Variants in ZC3H12B observed in about 807,000 individuals in gnomAD.
ZC3H12B encodes probable ribonuclease ZC3H12B.
ZC3H12B carries 7 observed loss-of-function variants against 43.9 expected under a neutral mutation model. That is an observed-to-expected ratio of 0.16 (90% CI 0.09 to 0.30). The LOEUF is 0.30. Ranked by LOEUF, ZC3H12B falls within the 10% of genes least tolerant of loss-of-function variation. The pLI is 1.00. For missense variants in ZC3H12B, 475 were observed against 670.2 expected (o/e 0.71, Z 3.22); for synonymous variants, 222 against 241.7 (o/e 0.92, Z 0.76).
chrX:65,345,430 G>A, the ZC3H12B span, among the ~76,000 whole-genome samples: 3 of 111,739 alleles, frequency 2.7e-5, no homozygotes, highest in Non-Finnish European at 5.6e-5. Flanking sequence ...ATTATTTTTA[G>A]CAAACTTACA....
At chrX:65,174,130 G>A in the ZC3H12B span, among the ~76,000 whole-genome samples, 7 of 111,045 alleles carry the variant, frequency 6.3e-5, no homozygotes, top group East Asian at 1.7e-3. Context: ...TCCCAGAGGG[G>A]CACCAGCCTA....
the ZC3H12B span, among the ~76,000 whole-genome samples, chrX:65,336,890 A>G: frequency 1.7e-4 from 19 of 112,445 alleles, no homozygotes; most frequent in Middle Eastern, 9.2e-3. Flanking sequence ...CACAGACATC[A>G]GCAAAGACTG....
chrX:65,374,231 ATAGT>A (rs2066313155), intron 2 of ZC3H12B, among the ~76,000 whole-genome samples: 1 of 83,868 alleles, frequency 1.2e-5, no homozygotes, highest in African/African-American at 5.0e-5. Flanking sequence ...ACTCTATAGT[ATAGT>A]AATATATATT....
the ZC3H12B span, among the ~76,000 whole-genome samples, chrX:65,108,991 T>C: frequency 1.8e-5 from 2 of 111,695 alleles, no homozygotes; most frequent in East Asian, 2.8e-4. Flanking sequence ...ATCTCCAAGG[T>C]TTTCTGGGTT....
At chrX:65,159,410 T>A in the ZC3H12B span, among the ~76,000 whole-genome samples, 1 of 111,916 alleles carries the variant, frequency 8.9e-6, no homozygotes, top group Non-Finnish European at 1.9e-5. Context: ...GCATGGAATG[T>A]TCTTCCATTT....
the ZC3H12B span, among the ~76,000 whole-genome samples, chrX:65,127,869 T>C: frequency 9.0e-6 from 1 of 111,237 alleles, no homozygotes; most frequent in Non-Finnish European, 1.9e-5. Context: ...GCAGTCTCAC[T>C]TTCATCGTTT....
Position 65,502,861 on chromosome X carries a change from C to G in ZC3H12B, c.2163C>G (p.Pro721=), listed in dbSNP as rs752130811. Residue 721 remains proline (P), a synonymous_variant, in exon 5 of 5, where the codon CCC becomes CCG. Coordinates refer to ENST00000338957, the Ensembl canonical transcript of ZC3H12B. ...ACCCCGTGAGGCAAAGACGACCTCC[C>G]CTGTGCCGGGAACAGCATGCCAGCT... 2.6e-5 allele frequency: 32 copies of G among 1,209,612 alleles called. No individual in the cohort carries two copies. In the African/African-American group the frequency reaches 3.0e-4, roughly 11 times the overall value.
At chrX:65,469,535 G>A in intron 3 of ZC3H12B, 2 of 315,834 alleles carry the variant, frequency 6.3e-6, no homozygotes, top group South Asian at 5.5e-5. Context: ...TTGCTCTCGT[G>A]CTTTGGCAAT....
chrX:65,388,847 C>A (rs2066569014), intron 2 of ZC3H12B, among the ~76,000 whole-genome samples: 1 of 111,945 alleles, frequency 8.9e-6, no homozygotes, highest in African/African-American at 3.2e-5. Context: ...TGTTAGTTTT[C>A]CTTCTAACAG....
the ZC3H12B span, among the ~76,000 whole-genome samples, chrX:65,151,638 T>A: frequency 1.8e-5 from 2 of 111,555 alleles, no homozygotes; most frequent in African/African-American, 6.5e-5. Flanking sequence ...TTTCTTCAAT[T>A]TTCAACAGTG....
the ZC3H12B span, among the ~76,000 whole-genome samples, chrX:65,297,669 A>G: frequency 9.0e-6 from 1 of 111,319 alleles, no homozygotes; most frequent in Admixed American, 9.6e-5. Flanking sequence ...ATGGAACCAA[A>G]AAAGACCCCA....
chrX:65,500,729 C>T (rs1259661597), intron 4 of ZC3H12B, among the ~76,000 whole-genome samples: 1 of 109,756 alleles, frequency 9.1e-6, no homozygotes, highest in Non-Finnish European at 1.9e-5. Context: ...GTGCCCGGCC[C>T]CTTTCCAGTT....
intron 3 of ZC3H12B, among the ~76,000 whole-genome samples, chrX:65,448,899 GAGAGAGAA>G (rs1202075186): frequency 2.5e-5 from 2 of 81,614 alleles, no homozygotes; most frequent in African/African-American, 1.5e-4. Context: ...GAAAGAAAGA[GAGAGAGAA>G]AGAGAGAAAG....
the ZC3H12B span, among the ~76,000 whole-genome samples, chrX:65,048,340 G>A: frequency 3.6e-5 from 4 of 111,388 alleles, no homozygotes; most frequent in African/African-American, 9.8e-5. Flanking sequence ...TTGTTTACAC[G>A]TCCTGGCTAT....
chrX:65,299,289 G>C, the ZC3H12B span, among the ~76,000 whole-genome samples: 1 of 111,736 alleles, frequency 8.9e-6, no homozygotes, highest in Non-Finnish European at 1.9e-5. Flanking sequence ...TTCATTTTGT[G>C]AGGCCGTCAT....
the ZC3H12B span, among the ~76,000 whole-genome samples, chrX:65,341,831 A>G: frequency 1.2e-4 from 13 of 111,403 alleles, no homozygotes; most frequent in African/African-American, 3.6e-4. Flanking sequence ...ACCAATGAAC[A>G]TCATGATGAC....
At chrX:65,130,672 C>T in the ZC3H12B span, among the ~76,000 whole-genome samples, 4 of 110,954 alleles carry the variant, frequency 3.6e-5, no homozygotes, top group South Asian at 1.1e-3. Flanking sequence ...ACATGGAAGA[C>T]GTTATGAAAT....
chrX:65,253,306 T>C, the ZC3H12B span, among the ~76,000 whole-genome samples: 6 of 112,081 alleles, frequency 5.4e-5, no homozygotes, highest in Non-Finnish European at 1.1e-4. Context: ...CAACAACTCC[T>C]GGGGAAAAAG....
chrX:65,274,537 C>T, the ZC3H12B span, among the ~76,000 whole-genome samples: 1 of 109,872 alleles, frequency 9.1e-6, no homozygotes, highest in Non-Finnish European at 1.9e-5. Context: ...CCCCCATTGC[C>T]ACACTTCTAT....
Sources: allele counts gnomAD v4.1 joint callset (sites outside exome capture counted in the v4.1 genomes callset), GRCh38; gene constraint gnomAD v4.1.1; transcripts MANE v1.5; gene names NCBI Gene and HGNC (gene_info 2026-07-23, HGNC 2026-07-21).